The following TNRC6A variants were observed in gnomAD, a reference collection of about 807,000 sequenced individuals.
TNRC6A encodes trinucleotide repeat containing adaptor 6A.
Under a neutral mutation model 221.2 loss-of-function variants are expected in TNRC6A, and 44 were observed. The ratio of observed to expected loss-of-function variants is 0.20; its 90% CI spans 0.16 to 0.26. The LOEUF is 0.26. Ranked by LOEUF, TNRC6A falls within the 10% of genes least tolerant of loss-of-function variation. The pLI is 1.00. For missense variants in TNRC6A, 2,199 were observed against 2,404.4 expected (o/e 0.91, Z 1.79); for synonymous variants, 847 against 838.5 (o/e 1.01, Z -0.18).
chr16:24,749,498 TG>T (rs2057089134), intron 2 of TNRC6A, among the ~76,000 whole-genome samples: 1 of 152,056 alleles, frequency 6.6e-6, no homozygotes, highest in African/African-American at 2.4e-5. Flanking sequence ...GGGAAGTGGG[TG>T]GGGTTGAGTA....
intron 2 of TNRC6A, among the ~76,000 whole-genome samples, chr16:24,666,579 G>T (rs1301552587): frequency 7.4e-6 from 1 of 135,804 alleles, no homozygotes; most frequent in Non-Finnish European, 1.5e-5. Context: ...GGTCAAGGCT[G>T]CCAATGAGCT....
chr16:24,817,747 GC>G (rs1369927292), intron 20 of TNRC6A, among the ~76,000 whole-genome samples: 1 of 152,124 alleles, frequency 6.6e-6, no homozygotes, highest in African/African-American at 2.4e-5. Flanking sequence ...CCACCATGTT[GC>G]GTTAGACGTG....
chr16:24,771,287 G>A (rs2057585539), intron 4 of TNRC6A, among the ~76,000 whole-genome samples: 2 of 152,018 alleles, frequency 1.3e-5, no homozygotes, highest in Admixed American at 1.3e-4. Context: ...GAGTATAAAG[G>A]ACCTTGAGAC....
At chr16:24,709,062 G>A (rs1386230292) in intron 2 of TNRC6A, among the ~76,000 whole-genome samples, 1 of 151,920 alleles carries the variant, frequency 6.6e-6, no homozygotes, top group East Asian at 1.9e-4. Flanking sequence ...TTCGAGACCA[G>A]CCTGATCAAC....
chr16:24,633,462 T>C (rs990027048), intron 1 of TNRC6A, among the ~76,000 whole-genome samples: 1 of 152,078 alleles, frequency 6.6e-6, no homozygotes, highest in Admixed American at 6.6e-5. Context: ...TGGTGCAATC[T>C]CGGCTCACTG....
At chr16:24,712,907 CTG>C (rs61198955) in intron 2 of TNRC6A, among the ~76,000 whole-genome samples, 7,253 of 126,424 alleles carry the variant, frequency 0.057, 203 homozygotes, top group Middle Eastern at 0.072. Flanking sequence ...TTATGTGCCA[CTG>C]TGTGTGTGTG....
At chr16:24,645,954 G>A (rs1014827582) in intron 2 of TNRC6A, among the ~76,000 whole-genome samples, 15 of 151,602 alleles carry the variant, frequency 9.9e-5, no homozygotes, top group Non-Finnish European at 1.8e-4. Flanking sequence ...GGGAGGCAGA[G>A]GTTGCCGTGA....
intron 2 of TNRC6A, chr16:24,662,713 G>A (rs965968114): frequency 2.0e-5 from 3 of 153,758 alleles, no homozygotes; most frequent in Admixed American, 6.5e-5. Flanking sequence ...TATTTGCAGA[G>A]AGGCCATGCA....
intron 2 of TNRC6A, among the ~76,000 whole-genome samples, chr16:24,688,528 C>G (rs926526564): frequency 6.6e-6 from 1 of 152,122 alleles, no homozygotes; most frequent in African/African-American, 2.4e-5. Flanking sequence ...GTGATTGATT[C>G]AGAAATCCAG....
In TNRC6A at chr16:24,790,742, G is replaced by T; in HGVS notation, c.2100G>T (p.Gln700His). The T allele has an allele frequency of 6.2e-7, 1 of 1,614,094 alleles. No homozygotes were observed. The highest frequency in any genetic ancestry group is 8.5e-7 in the Non-Finnish European group (1 of 1,180,004). Residue 700 changes from glutamine (Q) to histidine (H), a missense_variant, in exon 6 of 25, where the codon CAG (glutamine) becomes CAT (histidine). Coordinates refer to ENST00000395799, the MANE Select transcript of TNRC6A (RefSeq NM_014494.4). ...SQSRDRRKID[Q>H]HTLLQSIVNR... ...GTAGAGACAGAAGAAAAATTGATCA[G>T]CACACATTACTCCAAAGCATTGTAA...
intron 2 of TNRC6A, among the ~76,000 whole-genome samples, chr16:24,683,844 C>T (rs1186223356): frequency 1.3e-5 from 2 of 152,156 alleles, no homozygotes; most frequent in East Asian, 1.9e-4. Context: ...TTATAGGCAT[C>T]GACACTAACT....
chr16:24,765,388 G>A (rs2057451298), intron 4 of TNRC6A, among the ~76,000 whole-genome samples: 1 of 152,172 alleles, frequency 6.6e-6, no homozygotes, highest in South Asian at 2.1e-4. Flanking sequence ...AGAGAGTCAA[G>A]TCTAGTCACC....
chr16:24,679,166 T>C (rs1596658973), intron 2 of TNRC6A, among the ~76,000 whole-genome samples: 1 of 151,694 alleles, frequency 6.6e-6, no homozygotes, highest in Non-Finnish European at 1.5e-5. Flanking sequence ...GCCTAGCTAA[T>C]TTTGTATTTT....
chr16:24,671,507 G>A (rs2055301721), intron 2 of TNRC6A, among the ~76,000 whole-genome samples: 1 of 152,276 alleles, frequency 6.6e-6, no homozygotes, highest in East Asian at 1.9e-4. Context: ...TGATGTGCCA[G>A]ACACTGCACT....
intron 1 of TNRC6A, among the ~76,000 whole-genome samples, chr16:24,632,723 C>A (rs1297084635): frequency 6.6e-6 from 1 of 152,050 alleles, no homozygotes; most frequent in African/African-American, 2.4e-5. Context: ...AAAATAAAAT[C>A]TGGGGCCAGA....
chr16:24,637,248 G>C (rs1365572642), intron 1 of TNRC6A, among the ~76,000 whole-genome samples: 1 of 152,092 alleles, frequency 6.6e-6, no homozygotes, highest in Non-Finnish European at 1.5e-5. Flanking sequence ...GCTCAGGCTG[G>C]TCTCGAACTC....
rs564532778 is a variant in TNRC6A, at chr16:24,626,420, G to C, written n.277-14464G>C. Among the ~76,000 whole-genome samples, 352 of 152,146 alleles carry C rather than the reference G, an allele frequency of 2.3e-3. 1 individual carries two copies. The highest frequency in any genetic ancestry group is 3.9e-3 in the Non-Finnish European group (263 of 68,028). ...AGCTGCCCGCATGACTCATTGCAAT[G>C]TATCTGAAATTTCATAACAGATATC... is the stretch of plus-strand genomic sequence containing the variant. On this transcript the variant is annotated intron_variant and non_coding_transcript_variant, in intron 1 of 2. Transcript: ENST00000566108.
chr16:24,691,360 G>A (rs899334892), intron 2 of TNRC6A, among the ~76,000 whole-genome samples: 2 of 152,122 alleles, frequency 1.3e-5, no homozygotes, highest in South Asian at 4.1e-4. Flanking sequence ...TGGGATAACA[G>A]GCATGAGCCA....
intron 1 of TNRC6A, among the ~76,000 whole-genome samples, chr16:24,610,809 A>C (rs1297334137): frequency 2.0e-5 from 3 of 148,616 alleles, no homozygotes; most frequent in Non-Finnish European, 4.5e-5. Flanking sequence ...CTGCCCTCAG[A>C]TTTATTTATT....
Sources: allele counts gnomAD v4.1 joint callset (sites outside exome capture counted in the v4.1 genomes callset), GRCh38; gene constraint gnomAD v4.1.1; transcripts MANE v1.5; gene names NCBI Gene and HGNC (gene_info 2026-07-23, HGNC 2026-07-21).